TSHZ2: variants seen among roughly 807,000 people sequenced by gnomAD.
The protein encoded by TSHZ2 is teashirt zinc finger homeobox 2.
TSHZ2 carries 21 observed loss-of-function variants against 74.4 expected under a neutral mutation model. The ratio of observed to expected loss-of-function variants is 0.28; its 90% CI spans 0.20 to 0.41. The LOEUF (loss-of-function observed/expected upper bound fraction) is 0.41. TSHZ2 is among the 10% of genes least tolerant of loss of function. The pLI, the probability that TSHZ2 is intolerant of heterozygous loss-of-function variation, is 1.00. For missense variants in TSHZ2, 1,244 were observed against 1,293.5 expected (o/e 0.96, Z 0.59); for synonymous variants, 540 against 515.3 (o/e 1.05, Z -0.65).
intron 1 of TSHZ2, among the ~76,000 whole-genome samples, chr20:53,157,109 C>T (rs6022305): frequency 0.014 from 2,122 of 152,302 alleles, 42 homozygotes; most frequent in African/African-American, 0.049. Context: ...TGAAACTCCT[C>T]CAAACATCTA....
chr20:53,183,496 T>C (rs1220411918), intron 1 of TSHZ2, among the ~76,000 whole-genome samples: 4 of 152,194 alleles, frequency 2.6e-5, no homozygotes, highest in African/African-American at 9.7e-5. Flanking sequence ...GGCAGGGGCT[T>C]GAAAAAGTGT....
At chr20:53,102,960 G>A (rs555162033) in intron 1 of TSHZ2, among the ~76,000 whole-genome samples, 4 of 152,130 alleles carry the variant, frequency 2.6e-5, no homozygotes, top group South Asian at 4.1e-4. Context: ...ATGCTGGTGC[G>A]CTGCACCCAC....
At chr20:53,135,752 ACCACCATGC>A (rs537259467) in intron 1 of TSHZ2, among the ~76,000 whole-genome samples, 1 of 151,896 alleles carries the variant, frequency 6.6e-6, no homozygotes, top group South Asian at 2.1e-4. Flanking sequence ...ACAGGTGTGC[ACCACCATGC>A]CCAGCTAATG....
At chr20:53,210,870 C>T (rs1193036128) in intron 1 of TSHZ2, among the ~76,000 whole-genome samples, 2 of 152,084 alleles carry the variant, frequency 1.3e-5, no homozygotes, top group East Asian at 3.9e-4. Context: ...AGATTACTTC[C>T]AGGCAGCAGG....
rs374009540 is a variant in TSHZ2, at chr20:53,082,018, T to C, written c.40+108685T>C. Among the ~76,000 whole-genome samples, 7 of 152,216 alleles carry C rather than the reference T, an allele frequency of 4.6e-5. No homozygotes were observed. The East Asian group carries it at 9.7e-4, about 21-fold the overall frequency. On this transcript the variant is annotated intron_variant, in intron 1 of 2. Transcript: ENST00000371497. ...AATAGCCCAGAGGAGATGAATAACT[T>C]ACCCAAGGTCACCCGTCACTGACTT...
chr20:53,272,684 G>A (rs994233545), intron 2 of TSHZ2, among the ~76,000 whole-genome samples: 2 of 152,162 alleles, frequency 1.3e-5, no homozygotes, highest in Non-Finnish European at 1.5e-5. Flanking sequence ...AAAAGTATGA[G>A]GATGTAAGAA....
intron 2 of TSHZ2, among the ~76,000 whole-genome samples, chr20:53,345,868 C>T (rs1980418720): frequency 6.6e-6 from 1 of 152,052 alleles, no homozygotes; most frequent in African/African-American, 2.4e-5. Flanking sequence ...AAACCACCAC[C>T]CTCCCCGCTG....
At chr20:53,119,443 G>T (rs183584020) in intron 1 of TSHZ2, among the ~76,000 whole-genome samples, 2 of 152,182 alleles carry the variant, frequency 1.3e-5, no homozygotes, top group Non-Finnish European at 1.5e-5. Flanking sequence ...AGCAAGAGAG[G>T]TCAAGTTCAT....
chr20:53,138,656 T>G (rs976434926), intron 1 of TSHZ2, among the ~76,000 whole-genome samples: 1 of 152,218 alleles, frequency 6.6e-6, no homozygotes, highest in African/African-American at 2.4e-5. Context: ...CTTCTATATA[T>G]ACTTCAAAAC....
chr20:53,411,204 C>T (rs16998074), intron 2 of TSHZ2, among the ~76,000 whole-genome samples: 13,929 of 152,190 alleles, frequency 0.092, 1,012 homozygotes, highest in East Asian at 0.29. Flanking sequence ...AGTTTTTCTA[C>T]AGCTAGGACC....
chr20:53,479,295 C>T (rs1201881046), intron 2 of TSHZ2, among the ~76,000 whole-genome samples: 1 of 151,990 alleles, frequency 6.6e-6, no homozygotes, highest in Non-Finnish European at 1.5e-5. Flanking sequence ...AAATCAGCAG[C>T]TTGGGGTGGG....
Position 53,255,289 on chromosome 20 carries a change from G to A in TSHZ2, c.1831G>A (p.Val611Met), listed in dbSNP as rs930377409. The change falls in exon 2 of 3, where the codon GTG (valine) becomes ATG (methionine). Residue 611 changes from valine (V) to methionine (M), a missense_variant. Val to Met is a conservative substitution (Grantham distance 21). This residue lies in a region of TSHZ2 where 562 missense variants were observed against 544.0 expected (regional missense o/e 1.03). Transcript: ENST00000371497. This position sits in a 1 kb window ranked among gnomAD's most constrained non-coding sequence, Gnocchi z 4.1. Reference protein sequence around the residue: ...KKESEDKDEAVKECGKESPHE... With the variant: ...KKESEDKDEAMKECGKESPHE... ...AGAGTCAGAAGACAAAGATGAAGCGGTGAAGGAGTGTGGGAAAGAAAGTCC... is the reference window on the plus strand; with the variant it reads ...AGAGTCAGAAGACAAAGATGAAGCGATGAAGGAGTGTGGGAAAGAAAGTCC... The A allele has an allele frequency of 1.2e-6, 2 of 1,614,134 alleles. No individual in the cohort carries two copies. Among genetic ancestry groups the A allele is most frequent in the Non-Finnish European group, 1.7e-6 (2 of 1,180,048 alleles).
intron 2 of TSHZ2, among the ~76,000 whole-genome samples, chr20:53,330,706 G>A (rs773176273): frequency 2.0e-5 from 3 of 152,198 alleles, no homozygotes; most frequent in Non-Finnish European, 4.4e-5. Context: ...GACAGAAAAT[G>A]TGTGCATGAA....
chr20:53,318,177 G>A (rs540153940), intron 2 of TSHZ2, among the ~76,000 whole-genome samples: 214 of 152,338 alleles, frequency 1.4e-3, no homozygotes, highest in Admixed American at 2.9e-3. Flanking sequence ...GGTGAGATTT[G>A]ATGTGGGCCT....
intron 1 of TSHZ2, among the ~76,000 whole-genome samples, chr20:53,195,511 G>A (rs893872621): frequency 6.6e-6 from 1 of 152,130 alleles, no homozygotes. Context: ...TGGTGCTTGA[G>A]GGGCTCAGGA....
chr20:52,988,271 T>C (rs1326362729), intron 1 of TSHZ2, among the ~76,000 whole-genome samples: 4 of 152,220 alleles, frequency 2.6e-5, no homozygotes, highest in African/African-American at 7.2e-5. Context: ...GTTGTTTATA[T>C]ACAATCTCTC....
intron 1 of TSHZ2, among the ~76,000 whole-genome samples, chr20:52,978,208 A>G (rs145832734): frequency 1.9e-4 from 29 of 152,196 alleles, no homozygotes; most frequent in Non-Finnish European, 3.1e-4. Context: ...TGTGCTGTCC[A>G]TTGAATGGGT....
At chr20:53,335,172 A>C (rs1979895797) in intron 2 of TSHZ2, among the ~76,000 whole-genome samples, 1 of 152,198 alleles carries the variant, frequency 6.6e-6, no homozygotes, top group Admixed American at 6.5e-5. Context: ...TTCTTAAAGC[A>C]AACTTTTTGG....
intron 2 of TSHZ2, among the ~76,000 whole-genome samples, chr20:53,322,885 CCT>C (rs1320343113): frequency 1.3e-5 from 2 of 152,156 alleles, no homozygotes; most frequent in Non-Finnish European, 1.5e-5. Flanking sequence ...CTTCCTGGAG[CCT>C]CTGTGTTTGG....
Sources: gnomAD v4.1 joint callset for allele counts (sites outside exome capture counted in the v4.1 genomes callset) on GRCh38, gnomAD v4.1.1 for gene constraint, gnomAD v4.1.1 regional missense constraint, Gnocchi (gnomAD v3.1) non-coding constraint, MANE v1.5 for transcripts, NCBI Gene and HGNC (gene_info 2026-07-23, HGNC 2026-07-21) for gene names.